Variants in MYH15 observed in about 807,000 individuals in gnomAD.
MYH15 encodes myosin heavy chain 15.
A neutral mutation model predicts 240.5 loss-of-function variants in MYH15; 227 were observed. That is an observed-to-expected ratio of 0.94 (90% CI 0.85 to 1.05). MYH15 has a LOEUF of 1.05. Ranked by LOEUF, MYH15 falls within the 50% of genes least tolerant of loss-of-function variation. The pLI, the probability that MYH15 is intolerant of heterozygous loss-of-function variation, is 0.00. For missense variants in MYH15, 2,217 were observed against 2,247.5 expected, an observed-to-expected ratio of 0.99 and a Z score of 0.27; for synonymous variants, 785 against 796.7, an observed-to-expected ratio of 0.99 and a Z score of 0.25.
intron 21 of MYH15, among the ~76,000 whole-genome samples, chr3:108,453,576 T>C (rs1179997172): frequency 6.6e-6 from 1 of 152,164 alleles, no homozygotes; most frequent in Admixed American, 6.5e-5. Context: ...TATGATTACA[T>C]GTCAACAAGA....
At chr3:108,493,062 G>T in intron 8 of MYH15, 52 bp downstream of exon 8, 1 of 1,356,972 alleles carries the variant, frequency 7.4e-7, no homozygotes, top group South Asian at 1.3e-5. Flanking sequence ...GAAGGGAAGG[G>T]AAGGAAGGGA....
intron 1 of MYH15, among the ~76,000 whole-genome samples, chr3:108,525,262 A>G (rs1422965558): frequency 6.6e-6 from 1 of 152,158 alleles, no homozygotes; most frequent in East Asian, 1.9e-4. Flanking sequence ...TACTCTAAAT[A>G]AAACAGATAG....
At chr3:108,443,869 T>A (rs959419190) in intron 22 of MYH15, among the ~76,000 whole-genome samples, 5 of 151,338 alleles carry the variant, frequency 3.3e-5, no homozygotes, top group African/African-American at 7.3e-5. Flanking sequence ...CTTTATTTTT[T>A]TTTTTTTAAT....
At chr3:108,423,492 G>A (rs2082700977) in intron 27 of MYH15, among the ~76,000 whole-genome samples, 1 of 152,122 alleles carries the variant, frequency 6.6e-6, no homozygotes, top group South Asian at 2.1e-4. Flanking sequence ...ATGCTCAATT[G>A]TCCCCACTCT....
In MYH15 at chr3:108,525,942, T is replaced by C. The variant is rs577675492; in HGVS notation, c.-58+3321A>G. Among the ~76,000 whole-genome samples, 15 of 152,264 alleles carry C rather than the reference T, an allele frequency of 9.9e-5. No individual in the cohort carries two copies. In the South Asian group the frequency reaches 3.1e-3, roughly 32 times the overall value. On this transcript the variant is annotated intron_variant, in intron 1 of 41. Coordinates refer to the MYH15 transcript ENST00000273353. ...GTCTGGAATTAGAATTAAGGGCATATAGTAGGCAAACAAACATCTTTGATT... is the reference window on the plus strand; with the variant it reads ...GTCTGGAATTAGAATTAAGGGCATACAGTAGGCAAACAAACATCTTTGATT...
chr3:108,463,614 G>A, intron 15 of MYH15, among the ~76,000 whole-genome samples: 1 of 151,948 alleles, frequency 6.6e-6, no homozygotes, highest in Non-Finnish European at 1.5e-5. Context: ...GGATTACAGG[G>A]AGCCACCATG....
At chr3:108,530,088 C>G (rs1472023015), upstream of MYH15, among the ~76,000 whole-genome samples, 1 of 152,196 alleles carries the variant, frequency 6.6e-6, no homozygotes, top group African/African-American at 2.4e-5. Flanking sequence ...TGGAAAACTT[C>G]ATACTTCATG....
intron 11 of MYH15, among the ~76,000 whole-genome samples, chr3:108,477,779 T>C (rs2083233414): frequency 6.6e-6 from 1 of 152,134 alleles, no homozygotes; most frequent in Non-Finnish European, 1.5e-5. Flanking sequence ...CCCCACAAAA[T>C]TGTTTTATGA....
upstream of MYH15, among the ~76,000 whole-genome samples, chr3:108,513,805 T>C (rs942048781): frequency 6.6e-6 from 1 of 152,184 alleles, no homozygotes; most frequent in Non-Finnish European, 1.5e-5. Flanking sequence ...ACAGGGCACA[T>C]AGACAACGTC....
intron 14 of MYH15, among the ~76,000 whole-genome samples, chr3:108,467,272 A>G (rs921647539): frequency 4.6e-5 from 7 of 151,576 alleles, no homozygotes; most frequent in Non-Finnish European, 7.4e-5. Flanking sequence ...GAGAATACTC[A>G]TGTGCATACA....
At chr3:108,421,772 C>T (rs536080913) in intron 27 of MYH15, among the ~76,000 whole-genome samples, 3 of 152,218 alleles carry the variant, frequency 2.0e-5, no homozygotes, top group African/African-American at 7.2e-5. Context: ...GGATCTAAGC[C>T]GCAACAGCCT....
intron 1 of MYH15, among the ~76,000 whole-genome samples, chr3:108,522,182 T>C (rs554774974): frequency 5.3e-5 from 8 of 151,940 alleles, no homozygotes; most frequent in African/African-American, 1.9e-4. Flanking sequence ...GTGGTGAAGA[T>C]GGTGGAAAGA....
intron 23 of MYH15, 144 bp downstream of exon 23, chr3:108,440,874 T>C: frequency 1.1e-6 from 1 of 925,032 alleles, no homozygotes; most frequent in Non-Finnish European, 1.7e-6. Context: ...CTCTATATTT[T>C]GTGCCAGTTC....
intron 13 of MYH15, 123 bp downstream of exon 13, chr3:108,470,574 AG>A (rs1236498346): frequency 2.3e-6 from 2 of 856,806 alleles, no homozygotes; most frequent in African/African-American, 3.4e-5. Flanking sequence ...TTTCCAAACA[AG>A]GTAGCCCTTA....
At chr3:108,416,348 T>C (rs1326942852) in intron 29 of MYH15, among the ~76,000 whole-genome samples, 1 of 152,240 alleles carries the variant, frequency 6.6e-6, no homozygotes, top group East Asian at 1.9e-4. Flanking sequence ...TTAGTCACTA[T>C]GCTTTCATCT....
intron 6 of MYH15, 60 bp downstream of exon 6, chr3:108,497,992 C>G (rs955983078): frequency 6.8e-7 from 1 of 1,466,064 alleles, no homozygotes; most frequent in Non-Finnish European, 9.6e-7. Flanking sequence ...CGGACACAAC[C>G]TCCATGATCC....
intron 22 of MYH15, 48 bp from the exon 23 acceptor site, chr3:108,441,308 T>A: frequency 1.2e-6 from 2 of 1,604,562 alleles, no homozygotes; most frequent in Admixed American, 3.3e-5. Flanking sequence ...AAGTAATTTA[T>A]CAGCTAGGCG....
chr3:108,459,582 T>A, intron 17 of MYH15, 133 bp from the exon 18 acceptor site: 1 of 527,862 alleles, frequency 1.9e-6, no homozygotes, highest in Non-Finnish European at 3.3e-6. Flanking sequence ...AAATAATGAA[T>A]TCAACATTCT....
chr3:108,388,891 G>C, intron 38 of MYH15, 79 bp downstream of exon 38: 1 of 1,220,198 alleles, frequency 8.2e-7, no homozygotes, highest in Admixed American at 2.0e-5. Flanking sequence ...AGTCCCAGAA[G>C]GCCATTTCAG....
Sources: gnomAD v4.1 joint callset for allele counts (sites outside exome capture counted in the v4.1 genomes callset) on GRCh38, gnomAD v4.1.1 for gene constraint, MANE v1.5 for transcripts, NCBI Gene and HGNC (gene_info 2026-07-23, HGNC 2026-07-21) for gene names.